Variants in NCOR1 observed in about 807,000 individuals in gnomAD.
NCOR1 encodes the protein nuclear receptor corepressor 1.
A neutral mutation model predicts 288.1 loss-of-function variants in NCOR1; 63 were observed. The ratio of observed to expected loss-of-function variants is 0.22; its 90% confidence interval spans 0.18 to 0.27. NCOR1 has a LOEUF of 0.27. Among genes scored for constraint, NCOR1 ranks in the 10% least tolerant of loss-of-function variants. The pLI is 1.00. For synonymous variants in NCOR1, 1,007 were observed against 1,065.9 expected, an observed-to-expected ratio of 0.94 and a Z score of 1.08; for missense variants, 2,397 against 3,019.2, an observed-to-expected ratio of 0.79 and a Z score of 4.83.
chr17:16,049,179 ACT>A (rs2059017424), intron 40 of NCOR1, 191 bp from the exon 41 acceptor site: 2 of 436,604 alleles, frequency 4.6e-6, no homozygotes, highest in Admixed American at 8.4e-5. Flanking sequence ...AAAAAAAACC[ACT>A]GTGTTACTGC....
intron 15 of NCOR1, among the ~76,000 whole-genome samples, chr17:16,121,705 C>T (rs1310131904): frequency 6.6e-6 from 1 of 152,120 alleles, no homozygotes; most frequent in African/African-American, 2.4e-5. Flanking sequence ...ATGATAGATG[C>T]CTTTTCTATA....
At chr17:16,071,292 T>C (rs894632868) in intron 30 of NCOR1, 117 bp downstream of exon 30, 4 of 1,425,952 alleles carry the variant, frequency 2.8e-6, no homozygotes, top group Non-Finnish European at 3.8e-6. Context: ...CAGGAAACTT[T>C]CATGTTTACT....
At position 16,031,142 on chromosome 17, in the gene NCOR1, CTG is replaced by C. The variant is rs1358532126; in HGVS notation, c.*1152_*1153del. On this transcript the variant is annotated 3_prime_UTR_variant, in exon 46 of 46. Coordinates refer to ENST00000268712, the MANE Select transcript of NCOR1 (RefSeq NM_006311.4). ...TTTAAATTATTTGCACCTTGAGACT[CTG>C]TGAAATGAAAACATTTAACAGTAAA... 17 of 195,826 alleles carry C rather than the reference CTG, an allele frequency of 8.7e-5. No homozygotes were observed. The highest frequency in any genetic ancestry group is 1.6e-4 in the Non-Finnish European group (15 of 94,292). The allele number at this position is 195,826 out of a possible 1,614,324, so 12.1% of individuals were successfully genotyped here.
In NCOR1 at chr17:16,042,408, TGATAATCCTTAGATACTGCACTTGCAG is replaced by T. The variant is rs561781812; in HGVS notation, c.6680-1941_6680-1915del. Among the ~76,000 whole-genome samples, 44 of 152,348 alleles carry T rather than the reference TGATAATCCTTAGATACTGCACTTGCAG, an allele frequency of 2.9e-4. No homozygotes were observed. In the South Asian group the frequency reaches 8.3e-3, roughly 29 times the overall value. On this transcript the variant is annotated intron_variant, in intron 42 of 45. Coordinates refer to ENST00000268712, the MANE Select transcript of NCOR1 (RefSeq NM_006311.4). The stretch of plus-strand genomic sequence containing the variant: ...AGACAATTTCCTATAAGTTAACCAA[TGATAATCCTTAGATACTGCACTTGCAG>T]GATAACCCTTCCTTTGCTAATGGAG...
chr17:16,186,739 C>G lies in NCOR1; in HGVS notation c.109-52G>C, dbSNP rs200237830. On this transcript the variant is annotated intron_variant, in intron 2 of 45. Transcript: ENST00000268712. Reference sequence around the variant, plus strand: ...TTATTAACCAAAAACTGAACAACATCATGAAATCAAAGCAAGTATAAAGGT... The same window carrying G: ...TTATTAACCAAAAACTGAACAACATGATGAAATCAAAGCAAGTATAAAGGT... 4.4e-5 allele frequency: 69 copies of G among 1,564,882 alleles called. 1 individual carries two copies. Among genetic ancestry groups the G allele is most frequent in the Non-Finnish European group, 5.5e-5 (63 of 1,143,328 alleles).
At chr17:16,117,205 T>C (rs1215228078) in intron 18 of NCOR1, among the ~76,000 whole-genome samples, 10 of 152,172 alleles carry the variant, frequency 6.6e-5, no homozygotes, top group Non-Finnish European at 1.5e-5. Flanking sequence ...TCAACAGACC[T>C]CCAACTAAAG....
intron 4 of NCOR1, among the ~76,000 whole-genome samples, chr17:16,168,059 C>A (rs1213720196): frequency 6.6e-6 from 1 of 151,790 alleles, no homozygotes; most frequent in East Asian, 1.9e-4. Context: ...GGAAAAATAA[C>A]CAATAAACAA....
Position 16,080,425 on chromosome 17 carries a change from T to C in NCOR1, c.3383A>G (p.His1128Arg). ...TATTTTACCTCTGACTACACCTTCA[T>C]GTTGGGCCCTGACCAACAGACCCTC... ...QPEGLLVRAQ[H>R]EGVVRGTAGA... The change falls in exon 25 of 46, where the codon CAT becomes CGT. Residue 1128 changes from histidine to arginine, a missense_variant. Transcript: ENST00000268712. The C allele has an allele frequency of 6.2e-7, 1 of 1,613,996 alleles. No individual in the cohort carries two copies. The highest frequency in any genetic ancestry group is 8.5e-7 in the Non-Finnish European group (1 of 1,179,866).
intron 1 of NCOR1, among the ~76,000 whole-genome samples, chr17:16,203,731 T>G (rs178802): frequency 0.018 from 2,750 of 152,126 alleles, 88 homozygotes; most frequent in African/African-American, 0.062. Flanking sequence ...ATGGGTCTAA[T>G]TTTTTTAAAA....
intron 1 of NCOR1, among the ~76,000 whole-genome samples, chr17:16,213,925 T>C (rs2092353980): frequency 6.6e-6 from 1 of 152,218 alleles, no homozygotes; most frequent in Non-Finnish European, 1.5e-5. Context: ...CAGTTCCTAC[T>C]GTGAGCATTT....
intron 1 of NCOR1, among the ~76,000 whole-genome samples, chr17:16,209,489 T>C (rs1432990109): frequency 6.7e-6 from 1 of 149,868 alleles, no homozygotes; most frequent in Admixed American, 6.6e-5. Flanking sequence ...TGGGAGGCCA[T>C]GGTGGGAGGA....
chr17:16,059,893 T>C (rs966285534), intron 37 of NCOR1, among the ~76,000 whole-genome samples: 2 of 152,162 alleles, frequency 1.3e-5, no homozygotes, highest in African/African-American at 2.4e-5. Context: ...ACTTGATAAA[T>C]GGAACAGAAA....
In NCOR1 at chr17:16,065,624, G is replaced by A. The variant is rs201771644; in HGVS notation, c.4812C>T (p.Tyr1604=). 127 of 1,614,062 alleles carry A rather than the reference G, an allele frequency of 7.9e-5. No individual in the cohort carries two copies. Among genetic ancestry groups the A allele is most frequent in the East Asian group, 2.0e-4 (9 of 44,896 alleles). The change falls in exon 33 of 46, where the codon TAC becomes TAT. Residue 1604 remains tyrosine (Y), a synonymous_variant. Coordinates refer to ENST00000268712, the MANE Select transcript of NCOR1 (RefSeq NM_006311.4). ...TPGYPSQYQL[Y]AMENTRQTIL... ...TTGTCTGTCTTGTGTTCTCCATTGC[G>A]TAAAGCTGATACTGACTTGGGTAAC...
intron 16 of NCOR1, 108 bp from the exon 17 acceptor site, chr17:16,119,593 A>C: frequency 1.4e-6 from 1 of 716,840 alleles, no homozygotes; most frequent in South Asian, 2.7e-5. Flanking sequence ...GACTATGTAA[A>C]AGCATTTGGT....
At chr17:16,119,380 A>C (rs369203753) in intron 17 of NCOR1, 43 bp downstream of exon 17, 143 of 1,472,932 alleles carry the variant, frequency 9.7e-5, no homozygotes, top group Non-Finnish European at 1.3e-4. Context: ...TAACCCTAAA[A>C]AACAAAACAA....
intron 7 of NCOR1, 106 bp from the exon 8 acceptor site, chr17:16,152,104 T>G: frequency 1.5e-6 from 1 of 678,798 alleles, no homozygotes. Context: ...CTAATGGATC[T>G]ACACAATAAC....
intron 21 of NCOR1, among the ~76,000 whole-genome samples, chr17:16,093,600 CTTT>C (rs893820616): frequency 1.3e-5 from 2 of 152,150 alleles, no homozygotes; most frequent in Middle Eastern, 3.4e-3. Flanking sequence ...AGAGGTCTGA[CTTT>C]TTTTTAGAAT....
intron 1 of NCOR1, among the ~76,000 whole-genome samples, chr17:16,201,341 G>GT (rs2090778676): frequency 6.6e-6 from 1 of 152,232 alleles, no homozygotes; most frequent in Non-Finnish European, 1.5e-5. Context: ...GCTCACGCCT[G>GT]TAATCCCAGC....
chr17:16,088,582 C>G (rs1247912900), intron 22 of NCOR1, among the ~76,000 whole-genome samples: 1 of 152,196 alleles, frequency 6.6e-6, no homozygotes, highest in South Asian at 2.1e-4. Context: ...CTCTTATTTC[C>G]TTACTACACT....
Sources: gnomAD v4.1 joint callset for allele counts (sites outside exome capture counted in the v4.1 genomes callset) on GRCh38, gnomAD v4.1.1 for gene constraint, MANE v1.5 for transcripts, NCBI Gene and HGNC (gene_info 2026-07-23, HGNC 2026-07-21) for gene names.